Variants in ZC3H18 observed in about 807,000 individuals in gnomAD.
ZC3H18 encodes the protein zinc finger CCCH-type containing 18, also known as zinc finger CCCH domain-containing protein 18.
A neutral mutation model predicts 106.1 loss-of-function variants in ZC3H18; 8 were observed. That is an observed-to-expected ratio of 0.08 (90% CI 0.04 to 0.14). The LOEUF is 0.14. ZC3H18 is among the 10% of genes least tolerant of loss of function. The pLI is 1.00. For missense variants in ZC3H18, 1,318 were observed against 1,278.4 expected, an observed-to-expected ratio of 1.03 and a Z score of -0.47; for synonymous variants, 635 against 522.1, an observed-to-expected ratio of 1.22 and a Z score of -2.95.
In ZC3H18 at chr16:88,577,676, G is replaced by A; in HGVS notation, c.553G>A (p.Glu185Lys). ...GEKESLEAAK[E>K]KKKEDDDGEI... Reference sequence around the variant, plus strand: ...AAAGGAATCCCTGGAGGCTGCCAAGGAGAAAAAGAAAGAGGACGATGATGG... The same window carrying A: ...AAAGGAATCCCTGGAGGCTGCCAAGAAGAAAAAGAAAGAGGACGATGATGG... Residue 185 changes from glutamate (E) to lysine (K), a missense_variant, in exon 2 of 18, where the codon GAG becomes AAG. Glu to Lys is a moderately conservative substitution (Grantham distance 56). Transcript: ENST00000301011. 2 of 1,613,926 alleles carry A rather than the reference G, an allele frequency of 1.2e-6. No homozygotes were observed. Among genetic ancestry groups the A allele is most frequent in the South Asian group, 2.2e-5 (2 of 91,074 alleles).
At chr16:88,629,196 C>T (rs7198909) in intron 16 of ZC3H18, among the ~76,000 whole-genome samples, 85,910 of 151,944 alleles carry the variant, frequency 0.57, 24,589 homozygotes, top group African/African-American at 0.61. Context: ...AAAATTAGGC[C>T]GGGCGCGGTA....
At chr16:88,594,817 A>T (rs906424321) in intron 3 of ZC3H18, among the ~76,000 whole-genome samples, 22 of 152,208 alleles carry the variant, frequency 1.4e-4, no homozygotes, top group African/African-American at 4.8e-4. Context: ...CATATATATA[A>T]AATAATACAG....
At chr16:88,586,823 G>A (rs1424476855) in intron 3 of ZC3H18, 139 bp downstream of exon 3, 2 of 644,814 alleles carry the variant, frequency 3.1e-6, no homozygotes, top group South Asian at 1.8e-5. Flanking sequence ...TGGTGGTGGT[G>A]GTGGTGGTGG....
At chr16:88,575,861 G>T (rs1219469881) in intron 1 of ZC3H18, among the ~76,000 whole-genome samples, 1 of 151,160 alleles carries the variant, frequency 6.6e-6, no homozygotes, top group Non-Finnish European at 1.5e-5. Flanking sequence ...ATATAGGCAC[G>T]CACCACCACA....
chr16:88,574,583 G>A lies in ZC3H18; in HGVS notation c.-14-2527G>A, dbSNP rs192629670. Among the ~76,000 whole-genome samples the A allele has an allele frequency of 4.0e-5, 6 of 149,686 alleles. No individual in the cohort carries two copies. In the South Asian group the frequency reaches 8.5e-4, roughly 21 times the overall value. On this transcript the variant is annotated intron_variant, in intron 1 of 17. Coordinates refer to ENST00000301011, the MANE Select transcript of ZC3H18 (RefSeq NM_144604.4). ...ACTCTGTCACCCAGGCTGAACTGCA[G>A]CCTCAACCTCCTAGGATCAGGTGAT...
At chr16:88,600,332 A>G (rs1156738436) in intron 6 of ZC3H18, among the ~76,000 whole-genome samples, 1 of 152,228 alleles carries the variant, frequency 6.6e-6, no homozygotes, top group Non-Finnish European at 1.5e-5. Flanking sequence ...AGCCAGGAAC[A>G]CAACAGCTGC....
intron 3 of ZC3H18, among the ~76,000 whole-genome samples, chr16:88,590,175 A>T (rs1160623945): frequency 6.6e-6 from 1 of 152,186 alleles, no homozygotes; most frequent in Non-Finnish European, 1.5e-5. Flanking sequence ...CTGGTCTCAA[A>T]TACTAGGCTC....
intron 2 of ZC3H18, among the ~76,000 whole-genome samples, chr16:88,586,016 C>G (rs1472698580): frequency 6.6e-6 from 1 of 152,108 alleles, no homozygotes; most frequent in African/African-American, 2.4e-5. Flanking sequence ...GGGGAGAGCA[C>G]CAAGCAAGGG....
intron 3 of ZC3H18, among the ~76,000 whole-genome samples, chr16:88,588,125 C>T (rs1597328237): frequency 6.6e-6 from 1 of 152,232 alleles, no homozygotes; most frequent in East Asian, 1.9e-4. Context: ...TTGGTATTCA[C>T]AGTGTCAGTA....
Position 88,598,316 on chromosome 16 carries a change from C to A in ZC3H18, c.827C>A (p.Ala276Asp). ...CTCGGACCTCACCCGCTGATGCCCGCCAACCCTTGGGTGCGTGATGCCTCT... is the reference window on the plus strand; with the variant it reads ...CTCGGACCTCACCCGCTGATGCCCGACAACCCTTGGGTGCGTGATGCCTCT... ...PPLGPHPLMP[A>D]NPWGGPVVDE... is the part of the protein sequence containing the mutation. The change falls in exon 4 of 18, where the codon GCC becomes GAC. Residue 276 changes from alanine (A) to aspartate (D), a missense_variant. Transcript: ENST00000301011. 1 of 1,601,918 alleles carries A rather than the reference C, an allele frequency of 6.2e-7. No individual in the cohort carries two copies. The highest frequency in any genetic ancestry group is 8.5e-7 in the Non-Finnish European group (1 of 1,176,258).
chr16:88,608,836 C>T (rs1193241942), intron 6 of ZC3H18, 98 bp from the exon 7 acceptor site: 10 of 997,008 alleles, frequency 1.0e-5, no homozygotes, highest in East Asian at 5.0e-5. Flanking sequence ...AACCCCACTG[C>T]GTCACGGTCT....
Position 88,631,445 on chromosome 16 carries a change from C to T in ZC3H18, c.*146C>T. ...AGTTTCTCAGCTGGAAAAGAAGCCA[C>T]ACAGGAAATGACAACGACGCTGAAT... On this transcript the variant is annotated 3_prime_UTR_variant, in exon 18 of 18. Coordinates refer to ENST00000301011, the MANE Select transcript of ZC3H18 (RefSeq NM_144604.4). The T allele has an allele frequency of 8.7e-7, 1 of 1,155,570 alleles. No individual in the cohort carries two copies. Among genetic ancestry groups the T allele is most frequent in the Non-Finnish European group, 1.2e-6 (1 of 819,130 alleles). The allele number at this position is 1,155,570 out of a possible 1,614,324, so 71.6% of individuals were successfully genotyped here.
chr16:88,627,878 A>G lies in ZC3H18; in HGVS notation c.2270-42A>G, dbSNP rs1485922658. ...CCTGGCTGTTGGTGTGGCCATGGGA[A>G]AATCACCAGTACCCCCATGACTGCG... On this transcript the variant is annotated intron_variant, in intron 14 of 17. Transcript: ENST00000301011. This position sits in a 1 kb window ranked among gnomAD's most constrained non-coding sequence, Gnocchi z 4.5. 6.2e-7 allele frequency: 1 copy of G among 1,613,426 alleles called. No homozygotes were observed. Among genetic ancestry groups the G allele is most frequent in the South Asian group, 1.1e-5 (1 of 91,088 alleles).
chr16:88,616,291 T>G (rs1455375229), intron 8 of ZC3H18, among the ~76,000 whole-genome samples: 2 of 152,236 alleles, frequency 1.3e-5, no homozygotes, highest in Admixed American at 1.3e-4. Context: ...GCCGAGCCGC[T>G]CTTCCCACCT....
chr16:88,572,274 G>A (rs1231230191), intron 1 of ZC3H18, among the ~76,000 whole-genome samples: 1 of 152,246 alleles, frequency 6.6e-6, no homozygotes, highest in African/African-American at 2.4e-5. Context: ...CAGAGGGGCT[G>A]CTCGGAAGGG....
At chr16:88,620,998 C>A (rs1905921935) in intron 8 of ZC3H18, among the ~76,000 whole-genome samples, 1 of 151,692 alleles carries the variant, frequency 6.6e-6, no homozygotes, top group African/African-American at 2.4e-5. Flanking sequence ...TCCCCAGTAG[C>A]TGGGATTACA....
At chr16:88,617,917 G>A (rs1005873460) in intron 8 of ZC3H18, among the ~76,000 whole-genome samples, 18 of 152,250 alleles carry the variant, frequency 1.2e-4, no homozygotes, top group Non-Finnish European at 4.4e-5. Context: ...ATCTCTGCTG[G>A]GAGTGGGCCA....
chr16:88,622,648 G>C, intron 9 of ZC3H18: 1 of 478,128 alleles, frequency 2.1e-6, no homozygotes, highest in Non-Finnish European at 3.7e-6. Flanking sequence ...GGAGTCACAG[G>C]CCACACTGGA....
rs943072826 is a variant in ZC3H18, at chr16:88,630,654, C to T, written c.2663+73C>T. 8.2e-6 allele frequency: 11 copies of T among 1,345,740 alleles called. No individual in the cohort carries two copies. The Admixed American group carries it at 1.8e-4, about 22-fold the overall frequency. The allele number at this position is 1,345,740 out of a possible 1,614,324, so 83.4% of individuals were successfully genotyped here. A position where few individuals can be genotyped will look rare whatever the true frequency, so the allele number is the denominator to read the frequency against. The stretch of plus-strand genomic sequence containing the variant: ...CCAGTCGCTTCCCCAGGGAGGCCAG[C>T]AGCAGCAGGGCTAGCACTGGGCCAG... On this transcript the variant is annotated intron_variant, in intron 17 of 17. Transcript: ENST00000301011.
Sources: gnomAD v4.1 joint callset for allele counts (sites outside exome capture counted in the v4.1 genomes callset) on GRCh38, gnomAD v4.1.1 for gene constraint, Gnocchi (gnomAD v3.1) non-coding constraint, MANE v1.5 for transcripts, NCBI Gene and HGNC (gene_info 2026-07-23, HGNC 2026-07-21) for gene names.